The following RUNX1 variants were observed in gnomAD, a reference collection of about 807,000 sequenced individuals.
The protein encoded by RUNX1 is runt-related transcription factor 1.
RUNX1 carries 19 observed loss-of-function variants against 42.8 expected under a neutral mutation model. The ratio of observed to expected loss-of-function variants is 0.44; its 90% CI spans 0.31 to 0.65. RUNX1 has a LOEUF of 0.65. Among genes scored for constraint, RUNX1 ranks in the 30% least tolerant of loss-of-function variants. The pLI is 0.07. For synonymous variants in RUNX1, 271 were observed against 289.4 expected, an observed-to-expected ratio of 0.94 and a Z score of 0.64; for missense variants, 528 against 672.0, an observed-to-expected ratio of 0.79 and a Z score of 2.37.
At chr21:34,848,791 C>T (rs8128445) in intron 6 of RUNX1, among the ~76,000 whole-genome samples, 47,963 of 151,936 alleles carry the variant, frequency 0.32, 7,912 homozygotes, top group East Asian at 0.5. Flanking sequence ...CCGAGAGGCG[C>T]GTGGGACGTG....
intron 2 of RUNX1, among the ~76,000 whole-genome samples, chr21:34,958,785 G>A (rs2146696193): frequency 6.6e-6 from 1 of 151,694 alleles, no homozygotes; most frequent in East Asian, 1.9e-4. Context: ...CAATAGCAAA[G>A]ACTTGGAACC....
chr21:34,860,879 T>C (rs4817696), intron 5 of RUNX1, among the ~76,000 whole-genome samples: 43,308 of 151,936 alleles, frequency 0.29, 7,287 homozygotes, highest in African/African-American at 0.47. Context: ...TCGTGAGAAA[T>C]CTCCACCGAA....
chr21:34,944,923 A>C (rs2058553707), intron 2 of RUNX1, among the ~76,000 whole-genome samples: 1 of 152,246 alleles, frequency 6.6e-6, no homozygotes, highest in Non-Finnish European at 1.5e-5. Context: ...AAGTTGTTAG[A>C]ACATCAAAGC....
chr21:34,886,609 C>T (rs985702245), intron 4 of RUNX1, among the ~76,000 whole-genome samples: 4 of 152,236 alleles, frequency 2.6e-5, no homozygotes, highest in African/African-American at 7.2e-5. Context: ...TTTGGGGACA[C>T]CCTGATGTTT....
intron 7 of RUNX1, among the ~76,000 whole-genome samples, chr21:34,831,129 A>C (rs1197947096): frequency 6.6e-6 from 1 of 152,176 alleles, no homozygotes; most frequent in African/African-American, 2.4e-5. Context: ...TTAAAAAAGA[A>C]TTCTAAGACT....
chr21:34,976,129 A>C (rs1206113573), intron 2 of RUNX1, among the ~76,000 whole-genome samples: 4 of 67,208 alleles, frequency 6.0e-5, no homozygotes, highest in African/African-American at 1.5e-4. Flanking sequence ...TGGTCTTTCC[A>C]AAAAAAAAAA....
intron 6 of RUNX1, among the ~76,000 whole-genome samples, chr21:34,858,868 T>C (rs558732142): frequency 2.3e-4 from 35 of 152,348 alleles, no homozygotes; most frequent in African/African-American, 8.2e-4. Flanking sequence ...ACTCATTTTT[T>C]TAAAAGCTTC....
chr21:35,013,516 C>T (rs930495933), intron 2 of RUNX1, among the ~76,000 whole-genome samples: 2 of 152,106 alleles, frequency 1.3e-5, no homozygotes, highest in African/African-American at 2.4e-5. Context: ...ATTAAAGACC[C>T]TCATCCCCAA....
intron 6 of RUNX1, among the ~76,000 whole-genome samples, chr21:34,846,228 A>G (rs934398055): frequency 6.8e-6 from 1 of 146,248 alleles, no homozygotes; most frequent in African/African-American, 2.6e-5. Flanking sequence ...AATGTTGCCA[A>G]AGTCATGGGA....
At chr21:35,017,402 T>G (rs2059167176) in intron 2 of RUNX1, among the ~76,000 whole-genome samples, 1 of 152,118 alleles carries the variant, frequency 6.6e-6, no homozygotes, top group South Asian at 2.1e-4. Context: ...GGGGGACAAT[T>G]GCATCATCAA....
At chr21:35,036,093 C>T (rs1347355475) in intron 2 of RUNX1, among the ~76,000 whole-genome samples, 3 of 152,084 alleles carry the variant, frequency 2.0e-5, no homozygotes. Context: ...GAGCAGGGAG[C>T]AGGTGGGCCA....
At chr21:34,868,394 C>T (rs1377464349) in intron 5 of RUNX1, among the ~76,000 whole-genome samples, 1 of 152,158 alleles carries the variant, frequency 6.6e-6, no homozygotes, top group African/African-American at 2.4e-5. Context: ...ATAAGTGGTT[C>T]TCCATTTCAT....
At chr21:34,868,757 T>C (rs755877745) in intron 5 of RUNX1, among the ~76,000 whole-genome samples, 15 of 152,218 alleles carry the variant, frequency 9.9e-5, no homozygotes, top group Non-Finnish European at 2.1e-4. Context: ...TGTTCCTTAC[T>C]AGCCCCCAAG....
At chr21:34,908,359 T>C (rs1051668337) in intron 2 of RUNX1, among the ~76,000 whole-genome samples, 1 of 152,186 alleles carries the variant, frequency 6.6e-6, no homozygotes, top group African/African-American at 2.4e-5. Context: ...GAAGAGACAA[T>C]GTTTCTTCCC....
intron 2 of RUNX1, among the ~76,000 whole-genome samples, chr21:34,893,764 TATGCTG>T: frequency 6.9e-6 from 1 of 145,038 alleles, no homozygotes; most frequent in African/African-American, 2.7e-5. Context: ...CAATATTTAG[TATGCTG>T]TTTTTTTTTT....
chr21:35,004,668 A>T (rs2146888082), intron 2 of RUNX1, among the ~76,000 whole-genome samples: 1 of 152,328 alleles, frequency 6.6e-6, no homozygotes, highest in Middle Eastern at 3.4e-3. Context: ...ACCTGATTCT[A>T]CCCCACTTCT....
chr21:34,877,910 G>A (rs918356239), intron 5 of RUNX1, among the ~76,000 whole-genome samples: 2 of 152,128 alleles, frequency 1.3e-5, no homozygotes, highest in Non-Finnish European at 2.9e-5. Flanking sequence ...CAGACTGGTG[G>A]CTTTTGACAG....
chr21:34,820,137 G>C (rs1211109074), intron 7 of RUNX1, among the ~76,000 whole-genome samples: 1 of 152,208 alleles, frequency 6.6e-6, no homozygotes, highest in East Asian at 1.9e-4. Context: ...GTGACCTGTC[G>C]GTCTCCTGTA....
chr21:34,857,158 T>C (rs2057505684), intron 6 of RUNX1, among the ~76,000 whole-genome samples: 1 of 152,204 alleles, frequency 6.6e-6, no homozygotes, highest in Non-Finnish European at 1.5e-5. Context: ...ATTCCACGCA[T>C]TTAGTTTTTC....
Sources: allele counts gnomAD v4.1 joint callset (sites outside exome capture counted in the v4.1 genomes callset), GRCh38; gene constraint gnomAD v4.1.1; transcripts MANE v1.5; gene names NCBI Gene and HGNC (gene_info 2026-07-23, HGNC 2026-07-21).